C5: variants seen among roughly 807,000 people sequenced by gnomAD.
C5 encodes the protein C3 and PZP-like alpha-2-macroglobulin domain-containing protein 4.
In C5, 140 loss-of-function variants were observed where a neutral mutation model predicts 218.8. The observed-to-expected ratio is 0.64, with a 90% CI of 0.56 to 0.74. The LOEUF is 0.74. Among genes scored for constraint, C5 ranks in the 30% least tolerant of loss-of-function variants. The probability of loss-of-function intolerance (pLI) is 0.00; values close to 1 mark genes in which losing one functional copy is unlikely to be tolerated. For missense variants in C5, 1,700 were observed against 1,969.6 expected (o/e 0.86, Z 2.59); for synonymous variants, 614 against 682.3 (o/e 0.90, Z 1.56).
At chr9:120,957,769 A>T (rs2046797108) in intron 38 of C5, among the ~76,000 whole-genome samples, 1 of 152,166 alleles carries the variant, frequency 6.6e-6, no homozygotes. Context: ...CTTATCTCTC[A>T]TTCAGGTCTA....
chr9:121,065,631 A>G, the C5 span, among the ~76,000 whole-genome samples: 9 of 152,164 alleles, frequency 5.9e-5, no homozygotes, highest in Non-Finnish European at 1.0e-4. Context: ...GACCACAGGC[A>G]CATGCCACCA....
At position 120,997,587 on chromosome 9, in the gene C5, C is replaced by T. The variant is rs1179524556; in HGVS notation, c.2750G>A (p.Trp917Ter). The change falls in exon 21 of 41, where the codon TGG (tryptophan) becomes TAG (stop). Residue 917 changes from tryptophan (W) to a stop codon, truncating the protein, a stop_gained. Coordinates refer to ENST00000223642, the MANE Select transcript of C5 (RefSeq NM_001735.3). LOFTEE classifies it high-confidence loss of function. The stretch of plus-strand genomic sequence containing the variant: ...TTTTACTAAGATTTCTTTTCCAAAC[C>T]AAGTCTCCAGTGAAAAATTGATGTT... ...LHNINFSLET[W>*]FGKEILVKTL... The T allele has an allele frequency of 1.9e-6, 3 of 1,613,872 alleles. No homozygotes were observed. Among genetic ancestry groups the T allele is most frequent in the African/African-American group, 1.3e-5 (1 of 74,868 alleles).
the C5 span, among the ~76,000 whole-genome samples, chr9:121,063,777 G>T: frequency 6.6e-6 from 1 of 152,150 alleles, no homozygotes; most frequent in South Asian, 2.1e-4. Flanking sequence ...TCATAGGACT[G>T]CAATGCTTTT....
chr9:121,036,052 AC>A (rs1240965502), intron 4 of C5, among the ~76,000 whole-genome samples: 1 of 152,102 alleles, frequency 6.6e-6, no homozygotes, highest in East Asian at 1.9e-4. Context: ...CCTGTCAAAA[AC>A]ATACAAACAA....
chr9:121,010,469 A>G (rs1018839806), intron 17 of C5, among the ~76,000 whole-genome samples: 3 of 152,300 alleles, frequency 2.0e-5, no homozygotes, highest in African/African-American at 7.2e-5. Context: ...TAAAACACCA[A>G]TGAAAGAAAT....
chr9:121,027,266 T>TA lies in C5; in HGVS notation c.766dup (p.Tyr256LeufsTer2). 6.9e-7 allele frequency: 1 copy of TA among 1,440,162 alleles called. No homozygotes were observed. Among genetic ancestry groups the TA allele is most frequent in the Non-Finnish European group, 9.8e-7 (1 of 1,024,992 alleles). 89.2% of individuals were successfully genotyped at this position (1,440,162 alleles called of 1,614,324 possible). On this transcript the variant is annotated frameshift_variant, in exon 8 of 41. Coordinates refer to ENST00000223642, the MANE Select transcript of C5 (RefSeq NM_001735.3). LOFTEE classifies it high-confidence loss of function. ...GTCAGCCTCAGTGACTACTTTATTATAAAAATATCTGTCAGACAATAGCAT... is the reference window on the plus strand; with the variant it reads ...GTCAGCCTCAGTGACTACTTTATTATAAAAAATATCTGTCAGACAATAGCAT...
At chr9:121,013,031 A>G (rs1041545609) in intron 17 of C5, among the ~76,000 whole-genome samples, 3 of 152,182 alleles carry the variant, frequency 2.0e-5, no homozygotes, top group African/African-American at 7.2e-5. Context: ...GTTAAAGACT[A>G]TACATAGGCT....
At chr9:121,009,110 A>G (rs1275261059) in intron 17 of C5, among the ~76,000 whole-genome samples, 1 of 152,218 alleles carries the variant, frequency 6.6e-6, no homozygotes, top group Non-Finnish European at 1.5e-5. Context: ...ACTTATATAT[A>G]TAATTGTAAT....
rs1006206782 is a variant in C5 at position 121,030,334 on chromosome 9, C to A, written c.758+63G>T. On this transcript the variant is annotated intron_variant, in intron 7 of 40. Transcript: ENST00000223642. Reference sequence around the variant, plus strand: ...AGATCTCACTTTGGGCAACTATCATCAACCAGAGTTGAGTTAATTTGAAAA... The same window carrying A: ...AGATCTCACTTTGGGCAACTATCATAAACCAGAGTTGAGTTAATTTGAAAA... 4.6e-6 allele frequency: 4 copies of A among 872,964 alleles called. No homozygotes were observed. The African/African-American group carries it at 6.8e-5, about 15-fold the overall frequency. 54.1% of individuals were successfully genotyped at this position (872,964 alleles called of 1,614,324 possible).
intron 16 of C5, 121 bp downstream of exon 16, chr9:121,015,078 T>C (rs571883904): frequency 1.4e-5 from 10 of 697,366 alleles, no homozygotes; most frequent in East Asian, 2.7e-5. Context: ...TAGACCTCCA[T>C]ACATATCTTT....
chr9:120,987,092 A>G (rs1012931240), intron 25 of C5, among the ~76,000 whole-genome samples: 4 of 152,230 alleles, frequency 2.6e-5, no homozygotes, highest in Non-Finnish European at 5.9e-5. Flanking sequence ...TGAGTAAAGA[A>G]ACAGAAGTGT....
chr9:120,981,798 T>A (rs41311907), intron 27 of C5, 46 bp downstream of exon 27: 2 of 1,310,750 alleles, frequency 1.5e-6, no homozygotes, highest in Non-Finnish European at 2.2e-6. Context: ...CAGTATATAG[T>A]ACAGAAATAG....
intron 22 of C5, among the ~76,000 whole-genome samples, chr9:120,995,103 G>A (rs777360677): frequency 1.3e-5 from 2 of 152,078 alleles, no homozygotes; most frequent in East Asian, 3.8e-4. Context: ...GCATGTGGAC[G>A]CATGTACATA....
At chr9:120,972,424 G>C (rs561876822) in intron 30 of C5, among the ~76,000 whole-genome samples, 1 of 152,068 alleles carries the variant, frequency 6.6e-6, no homozygotes, top group Admixed American at 6.5e-5. Context: ...ACTTGAAAGC[G>C]GGTGCATCTA....
At chr9:120,987,377 G>A (rs1031205327) in intron 25 of C5, among the ~76,000 whole-genome samples, 68 of 152,232 alleles carry the variant, frequency 4.5e-4, no homozygotes, top group African/African-American at 1.6e-3. Context: ...AGGCGCAGTG[G>A]CTCATGCCTG....
chr9:121,037,600 C>G (rs2047538898), intron 4 of C5, among the ~76,000 whole-genome samples: 1 of 152,050 alleles, frequency 6.6e-6, no homozygotes, highest in African/African-American at 2.4e-5. Flanking sequence ...TGTGAGCCAC[C>G]ACGCCCGGCC....
chr9:120,963,754 G>A lies in C5; in HGVS notation c.4221-16C>T, dbSNP rs1397267674. 6.4e-7 allele frequency: 1 copy of A among 1,569,446 alleles called. No homozygotes were observed. On this transcript the variant is annotated splice_polypyrimidine_tract_variant and intron_variant, in intron 33 of 40. Transcript: ENST00000223642. ...GGGCTTGTAGCTAAAATAAAAAAGA[G>A]GTTAGAAAATATAATAAATAAGTGA...
intron 33 of C5, 35 bp from the exon 34 acceptor site, chr9:120,963,773 T>A: frequency 6.8e-7 from 1 of 1,462,286 alleles, no homozygotes; most frequent in Non-Finnish European, 9.5e-7. Flanking sequence ...ATATAATAAA[T>A]AAGTGAATAA....
chr9:121,022,971 A>G (rs993247), intron 10 of C5, among the ~76,000 whole-genome samples: 57,021 of 151,690 alleles, frequency 0.38, 12,690 homozygotes, highest in South Asian at 0.64. Flanking sequence ...ACAGAGGGAA[A>G]CAAATGAGAC....
Sources: gnomAD v4.1 joint callset for allele counts (sites outside exome capture counted in the v4.1 genomes callset) on GRCh38, gnomAD v4.1.1 for gene constraint, MANE v1.5 for transcripts, NCBI Gene and HGNC (gene_info 2026-07-23, HGNC 2026-07-21) for gene names.